MYO1D: variants seen among roughly 807,000 people sequenced by gnomAD.
MYO1D encodes the protein unconventional myosin-Id.
MYO1D carries 83 observed loss-of-function variants against 122.0 expected under a neutral mutation model. That is an observed-to-expected ratio of 0.68 (90% CI 0.57 to 0.82). The LOEUF (loss-of-function observed/expected upper bound fraction) is 0.82, where lower values mean the gene tolerates loss of function less well. Among genes scored for constraint, MYO1D ranks in the 40% least tolerant of loss-of-function variants. MYO1D has a pLI of 0.00. For missense variants in MYO1D, 1,157 were observed against 1,269.5 expected (o/e 0.91, Z 1.35); for synonymous variants, 464 against 446.9 (o/e 1.04, Z -0.48).
intron 15 of MYO1D, among the ~76,000 whole-genome samples, chr17:32,719,231 T>TCAAA: frequency 6.6e-6 from 1 of 152,254 alleles, no homozygotes; most frequent in South Asian, 2.1e-4. Flanking sequence ...ACTTTATCCC[T>TCAAA]CAAACATATC....
At chr17:32,659,032 T>C (rs2088515048) in intron 17 of MYO1D, 83 bp downstream of exon 17, 1 of 1,257,152 alleles carries the variant, frequency 8.0e-7, no homozygotes, top group Non-Finnish European at 1.1e-6. Flanking sequence ...GCTGAGTCAA[T>C]ATCACGGTCT....
chr17:32,739,226 T>G (rs1258084929), intron 13 of MYO1D, among the ~76,000 whole-genome samples: 1 of 152,072 alleles, frequency 6.6e-6, no homozygotes, highest in Non-Finnish European at 1.5e-5. Flanking sequence ...TCTTAAAAAA[T>G]TGGGGGTTGA....
intron 10 of MYO1D, among the ~76,000 whole-genome samples, chr17:32,757,808 C>T (rs2089964151): frequency 1.3e-5 from 2 of 152,084 alleles, no homozygotes; most frequent in Admixed American, 1.3e-4. Context: ...TAAGTTCTTC[C>T]AGCAACTTGG....
intron 21 of MYO1D, among the ~76,000 whole-genome samples, chr17:32,548,029 A>G (rs2086979503): frequency 1.3e-5 from 2 of 152,064 alleles, no homozygotes; most frequent in South Asian, 4.1e-4. Context: ...TGTTCTTAAC[A>G]TGACGAGAGA....
intron 1 of MYO1D, among the ~76,000 whole-genome samples, chr17:32,833,083 T>C (rs1387441383): frequency 1.3e-5 from 2 of 152,226 alleles, no homozygotes; most frequent in Non-Finnish European, 1.5e-5. Flanking sequence ...CTCAGAACTG[T>C]ACATCCACTT....
chr17:32,574,883 C>G (rs1477734988), intron 21 of MYO1D, among the ~76,000 whole-genome samples: 1 of 152,168 alleles, frequency 6.6e-6, no homozygotes, highest in Non-Finnish European at 1.5e-5. Context: ...TCGCCACTTG[C>G]TAGCTGTATG....
intron 3 of MYO1D, among the ~76,000 whole-genome samples, chr17:32,777,275 G>C (rs2090182545): frequency 6.6e-6 from 1 of 152,158 alleles, no homozygotes; most frequent in Non-Finnish European, 1.5e-5. Flanking sequence ...AGCCCAATAT[G>C]ATGAAAAGAA....
At chr17:32,745,600 AG>A (rs761497308) in intron 12 of MYO1D, 4 of 241,050 alleles carry the variant, frequency 1.7e-5, no homozygotes, top group Non-Finnish European at 3.2e-5. Context: ...AGCAACATAC[AG>A]GAACTAACAG....
chr17:32,642,632 G>A (rs190188104), intron 19 of MYO1D, among the ~76,000 whole-genome samples: 13 of 152,292 alleles, frequency 8.5e-5, no homozygotes, highest in Admixed American at 7.2e-4. Flanking sequence ...TCTCCTTGAA[G>A]AGGTCCTTCA....
rs536167070 is a variant in MYO1D, at chr17:32,852,946, CCTGA to C, written c.95+23828_95+23831del. On this transcript the variant is annotated intron_variant, in intron 1 of 21. Coordinates refer to ENST00000318217, the MANE Select transcript of MYO1D (RefSeq NM_015194.3). ...ATACAGATGACTGTAACACCTATGTCCTGACTACACACCACTCTAATCTGCTTCA... is the reference window on the plus strand; with the variant it reads ...ATACAGATGACTGTAACACCTATGTCCTACACACCACTCTAATCTGCTTCA... Among the ~76,000 whole-genome samples, 229 of 152,262 alleles carry C rather than the reference CCTGA, an allele frequency of 1.5e-3. 3 individuals are homozygous for C. The highest frequency in any genetic ancestry group is 0.014 in the Middle Eastern group (4 of 294).
intron 16 of MYO1D, among the ~76,000 whole-genome samples, chr17:32,663,199 G>A (rs962133256): frequency 2.0e-5 from 3 of 152,164 alleles, no homozygotes; most frequent in Non-Finnish European, 2.9e-5. Context: ...TTACAGGTGT[G>A]AGCCACCGCA....
At chr17:32,560,117 T>C (rs1231018704) in intron 21 of MYO1D, among the ~76,000 whole-genome samples, 2 of 152,066 alleles carry the variant, frequency 1.3e-5, no homozygotes, top group African/African-American at 4.8e-5. Context: ...TAGCCAGGTG[T>C]GGTGGCATGT....
At chr17:32,655,569 GTT>G (rs2088464946) in intron 17 of MYO1D, among the ~76,000 whole-genome samples, 2 of 152,164 alleles carry the variant, frequency 1.3e-5, no homozygotes, top group African/African-American at 4.8e-5. Flanking sequence ...GCACCAGAGT[GTT>G]CTAGGAAGAG....
chr17:32,710,644 A>G lies in MYO1D; in HGVS notation c.2121+1344T>C, dbSNP rs1296792926. On this transcript the variant is annotated intron_variant, in intron 16 of 21. Coordinates refer to ENST00000318217, the MANE Select transcript of MYO1D (RefSeq NM_015194.3). ...ACAAAGCATCTTATGGATAAAGTTC[A>G]TTAGAATGCTTACAGAATAGGAGAA... 1.3e-5 allele frequency among the ~76,000 whole-genome samples: 2 copies of G among 152,232 alleles called. 1 individual carries two copies. The highest frequency in any genetic ancestry group is 3.8e-4 in the East Asian group (2 of 5,206).
chr17:32,839,121 T>C (rs898112983), intron 1 of MYO1D, among the ~76,000 whole-genome samples: 1 of 152,140 alleles, frequency 6.6e-6, no homozygotes, highest in African/African-American at 2.4e-5. Flanking sequence ...AGGAACACCT[T>C]AATAGTTTGT....
intron 21 of MYO1D, among the ~76,000 whole-genome samples, chr17:32,590,679 T>C (rs1019006286): frequency 4.6e-5 from 7 of 152,230 alleles, no homozygotes; most frequent in Admixed American, 3.9e-4. Flanking sequence ...AAACTCCTGA[T>C]TCCAATATAG....
chr17:32,797,335 G>A (rs558291258), intron 1 of MYO1D, among the ~76,000 whole-genome samples: 1 of 152,330 alleles, frequency 6.6e-6, no homozygotes, highest in African/African-American at 2.4e-5. Context: ...AGACTGTGAT[G>A]TATTTAAAGA....
intron 20 of MYO1D, 47 bp downstream of exon 20, chr17:32,638,675 G>T: frequency 3.0e-6 from 4 of 1,349,144 alleles, no homozygotes; most frequent in Non-Finnish European, 4.2e-6. Context: ...TGGTCCATGA[G>T]CACCAGGTTA....
At chr17:32,663,805 G>C (rs1448551142) in intron 16 of MYO1D, among the ~76,000 whole-genome samples, 1 of 152,168 alleles carries the variant, frequency 6.6e-6, no homozygotes, top group Non-Finnish European at 1.5e-5. Context: ...TTCAAAAGTA[G>C]TACGACTTTT....
Sources: allele counts gnomAD v4.1 joint callset (sites outside exome capture counted in the v4.1 genomes callset), GRCh38; gene constraint gnomAD v4.1.1; transcripts MANE v1.5; gene names NCBI Gene and HGNC (gene_info 2026-07-23, HGNC 2026-07-21).